Variants in VRK2 observed in about 807,000 individuals in gnomAD.
The protein encoded by VRK2 is serine/threonine-protein kinase VRK2.
VRK2 carries 60 observed loss-of-function variants against 57.6 expected under a neutral mutation model. The ratio of observed to expected loss-of-function variants is 1.04; its 90% confidence interval spans 0.85 to 1.29. The LOEUF is 1.29. VRK2 is among the 50% of genes most tolerant of loss of function. The pLI, the probability that VRK2 is intolerant of heterozygous loss-of-function variation, is 0.00. For synonymous variants in VRK2, 231 were observed against 199.2 expected (o/e 1.16, Z -1.35); for missense variants, 705 against 588.1 (o/e 1.20, Z -2.06).
intron 2 of VRK2, among the ~76,000 whole-genome samples, chr2:58,065,347 G>T (rs1313715697): frequency 6.6e-6 from 1 of 151,990 alleles, no homozygotes; most frequent in African/African-American, 2.4e-5. Flanking sequence ...GTGGCTTTTG[G>T]GGAATGTATG....
intron 3 of VRK2, among the ~76,000 whole-genome samples, chr2:58,035,197 T>C (rs1454808338): frequency 6.6e-6 from 1 of 152,032 alleles, no homozygotes; most frequent in East Asian, 1.9e-4. Flanking sequence ...AGTATTCATC[T>C]TTCCTTTCTG....
At chr2:57,996,887 T>C (rs1050778303) in intron 1 of VRK2, among the ~76,000 whole-genome samples, 12 of 149,102 alleles carry the variant, frequency 8.0e-5, no homozygotes, top group Non-Finnish European at 1.0e-4. Flanking sequence ...TTGCACCATA[T>C]TGTTTTCATT....
upstream of VRK2, among the ~76,000 whole-genome samples, chr2:58,043,049 C>T (rs554449591): frequency 5.3e-5 from 8 of 152,280 alleles, no homozygotes; most frequent in South Asian, 4.1e-4. Context: ...GGTTTACCTG[C>T]TCCTGTTGCC....
chr2:57,947,053 T>A (rs774432778), intron 1 of VRK2, among the ~76,000 whole-genome samples: 3 of 152,208 alleles, frequency 2.0e-5, no homozygotes, highest in Non-Finnish European at 2.9e-5. Flanking sequence ...AAACTTCCCA[T>A]AGTAAAGCAT....
intron 1 of VRK2, among the ~76,000 whole-genome samples, chr2:57,909,385 T>C (rs1263163792): frequency 6.6e-6 from 1 of 152,164 alleles, no homozygotes; most frequent in African/African-American, 2.4e-5. Flanking sequence ...GATTAAGTAC[T>C]GCACTCTTTC....
intron 7 of VRK2, among the ~76,000 whole-genome samples, chr2:58,105,113 A>G (rs576451071): frequency 6.6e-6 from 1 of 152,088 alleles, no homozygotes; most frequent in South Asian, 2.1e-4. Context: ...AAATACTAGA[A>G]GTAAAACAAG....
intron 1 of VRK2, among the ~76,000 whole-genome samples, chr2:57,947,019 C>T (rs1671282835): frequency 6.6e-6 from 1 of 152,120 alleles, no homozygotes; most frequent in Non-Finnish European, 1.5e-5. Flanking sequence ...CACTGATGAG[C>T]ACCAATCTAC....
chr2:57,957,603 T>C (rs999490816), intron 1 of VRK2, among the ~76,000 whole-genome samples: 6 of 146,932 alleles, frequency 4.1e-5, no homozygotes, highest in African/African-American at 1.5e-4. Context: ...TATATGTAGA[T>C]ATATATACTA....
At chr2:57,909,311 A>G (rs1265382398) in intron 1 of VRK2, among the ~76,000 whole-genome samples, 5 of 152,196 alleles carry the variant, frequency 3.3e-5, no homozygotes, top group African/African-American at 1.2e-4. Flanking sequence ...CCACCCACCT[A>G]TTATTATAAA....
intron 1 of VRK2, among the ~76,000 whole-genome samples, chr2:58,020,605 T>C (rs930471958): frequency 2.0e-5 from 3 of 152,260 alleles, no homozygotes; most frequent in Non-Finnish European, 4.4e-5. Flanking sequence ...TGTATGTACA[T>C]AAACATTTGC....
In VRK2 at chr2:58,159,686, T is replaced by G; in HGVS notation, c.1520T>G (p.Phe507Cys). 6.2e-7 allele frequency: 1 copy of G among 1,612,662 alleles called. No homozygotes were observed. Among genetic ancestry groups the G allele is most frequent in the Non-Finnish European group, 8.5e-7 (1 of 1,179,452 alleles). The change falls in exon 13 of 13, where the codon TTT (phenylalanine) becomes TGT (cysteine). Residue 507 changes from phenylalanine to cysteine, a missense_variant. Coordinates refer to ENST00000340157, the MANE Select transcript of VRK2 (RefSeq NM_006296.7). ...LLMLVFLALF[F>C]L ...ATGTTAGTATTTCTTGCTTTATTTT[T>G]TCTCTGAAGATGATACCAAAATTCC...
chr2:57,960,006 GGT>G (rs764928026), intron 1 of VRK2, among the ~76,000 whole-genome samples: 4 of 146,982 alleles, frequency 2.7e-5, no homozygotes, highest in Non-Finnish European at 6.0e-5. Context: ...TGTGTGCATG[GGT>G]GTGTGTGTGT....
intron 1 of VRK2, among the ~76,000 whole-genome samples, chr2:57,961,933 T>A (rs1344422018): frequency 6.6e-6 from 1 of 151,862 alleles, no homozygotes; most frequent in African/African-American, 2.4e-5. Flanking sequence ...AAAAATTAGC[T>A]GGGCACGGTG....
chr2:58,009,678 G>A (rs1171499563), intron 1 of VRK2, among the ~76,000 whole-genome samples: 1 of 151,132 alleles, frequency 6.6e-6, no homozygotes, highest in Non-Finnish European at 1.5e-5. Context: ...CAACATATCA[G>A]ACCAGTTCAT....
At chr2:58,070,275 C>A (rs1441429163) in intron 2 of VRK2, among the ~76,000 whole-genome samples, 1 of 152,074 alleles carries the variant, frequency 6.6e-6, no homozygotes, top group Non-Finnish European at 1.5e-5. Flanking sequence ...GTCTTGAACT[C>A]CTAGGCTCAA....
chr2:57,949,239 G>C (rs114201860), intron 1 of VRK2, among the ~76,000 whole-genome samples: 2,394 of 152,192 alleles, frequency 0.016, 62 homozygotes, highest in African/African-American at 0.054. Context: ...GTTATATTCA[G>C]GTATACCCTG....
At chr2:57,984,415 T>C (rs555938388) in intron 1 of VRK2, among the ~76,000 whole-genome samples, 1 of 152,284 alleles carries the variant, frequency 6.6e-6, no homozygotes, top group African/African-American at 2.4e-5. Context: ...AGGTCATTTC[T>C]AGAATCCAAG....
At chr2:57,941,373 A>G (rs1671088845) in intron 1 of VRK2, among the ~76,000 whole-genome samples, 1 of 152,194 alleles carries the variant, frequency 6.6e-6, no homozygotes, top group African/African-American at 2.4e-5. Context: ...AACTGGACAC[A>G]TACTGTGTTT....
At chr2:57,961,288 G>A (rs1159864480) in intron 1 of VRK2, among the ~76,000 whole-genome samples, 3 of 152,158 alleles carry the variant, frequency 2.0e-5, no homozygotes, top group Non-Finnish European at 4.4e-5. Flanking sequence ...TCCAGGGAAG[G>A]AGGAAGAGCT....
Sources: allele counts gnomAD v4.1 joint callset (sites outside exome capture counted in the v4.1 genomes callset), GRCh38; gene constraint gnomAD v4.1.1; transcripts MANE v1.5; gene names NCBI Gene and HGNC (gene_info 2026-07-23, HGNC 2026-07-21).